Variants in IQCJ observed in about 807,000 individuals in gnomAD.
IQCJ encodes the protein IQ domain-containing protein J.
A neutral mutation model predicts 11.0 loss-of-function variants in IQCJ; 9 were observed. That is an observed-to-expected ratio of 0.82 (90% confidence interval 0.49 to 1.43). The LOEUF (loss-of-function observed/expected upper bound fraction) is 1.43. IQCJ is among the 40% of genes most tolerant of loss of function. The pLI, the probability that IQCJ is intolerant of heterozygous loss-of-function variation, is 0.00. For synonymous variants in IQCJ, 55 were observed against 51.3 expected (o/e 1.07, Z -0.31); for missense variants, 146 against 133.2 (o/e 1.10, Z -0.47).
At chr3:159,213,883 G>GT (rs1725081522) in intron 1 of IQCJ, among the ~76,000 whole-genome samples, 1 of 151,982 alleles carries the variant, frequency 6.6e-6, no homozygotes, top group Non-Finnish European at 1.5e-5. Flanking sequence ...GTTGACTTCT[G>GT]TGACCCCATT....
chr3:159,083,083 A>G (rs1716438173), intron 1 of IQCJ, among the ~76,000 whole-genome samples: 1 of 152,166 alleles, frequency 6.6e-6, no homozygotes, highest in Non-Finnish European at 1.5e-5. Flanking sequence ...CAAAAGCACT[A>G]TTCATAAAAG....
chr3:159,153,231 C>G (rs1291889635), intron 1 of IQCJ, among the ~76,000 whole-genome samples: 3 of 152,134 alleles, frequency 2.0e-5, no homozygotes, highest in African/African-American at 7.2e-5. Context: ...CAAAATTTTA[C>G]CATACATCCT....
At chr3:159,137,960 A>G (rs1424623382) in intron 1 of IQCJ, among the ~76,000 whole-genome samples, 2 of 152,228 alleles carry the variant, frequency 1.3e-5, no homozygotes, top group Admixed American at 1.3e-4. Context: ...CTTTATATAT[A>G]AAATGCAAAT....
chr3:159,252,270 A>G (rs1462652855), intron 2 of IQCJ, among the ~76,000 whole-genome samples: 1 of 152,200 alleles, frequency 6.6e-6, no homozygotes, highest in Non-Finnish European at 1.5e-5. Context: ...TCAGAGATCC[A>G]TGCTTTGTTC....
At chr3:159,095,385 C>T (rs1290937530) in intron 1 of IQCJ, among the ~76,000 whole-genome samples, 17 of 149,946 alleles carry the variant, frequency 1.1e-4, no homozygotes, top group African/African-American at 4.0e-4. Flanking sequence ...TTATTATACT[C>T]TAAGTTTTAG....
At chr3:159,077,878 T>A (rs534301974) in intron 1 of IQCJ, among the ~76,000 whole-genome samples, 13 of 152,230 alleles carry the variant, frequency 8.5e-5, no homozygotes, top group South Asian at 2.1e-4. Context: ...TTAGTTTTTT[T>A]AAAAAATTAG....
At chr3:159,239,995 T>G (rs1726823013) in intron 1 of IQCJ, among the ~76,000 whole-genome samples, 1 of 152,164 alleles carries the variant, frequency 6.6e-6, no homozygotes, top group Admixed American at 6.5e-5. Context: ...GGACATATCC[T>G]TGTTATTAAG....
At chr3:159,172,866 A>G (rs370921154) in intron 1 of IQCJ, among the ~76,000 whole-genome samples, 3 of 152,276 alleles carry the variant, frequency 2.0e-5, no homozygotes, top group African/African-American at 7.2e-5. Flanking sequence ...TGCCTTCAAT[A>G]TCTGAAGGAT....
intron 1 of IQCJ, among the ~76,000 whole-genome samples, chr3:159,106,798 G>T (rs1718293530): frequency 6.6e-6 from 1 of 152,146 alleles, no homozygotes; most frequent in Admixed American, 6.5e-5. Flanking sequence ...GACCAGCTAT[G>T]AATTGGGGTT....
chr3:159,240,386 CT>C (rs1726848117), intron 1 of IQCJ, among the ~76,000 whole-genome samples: 1 of 152,142 alleles, frequency 6.6e-6, no homozygotes, highest in South Asian at 2.1e-4. Flanking sequence ...ATTGTTCTAA[CT>C]GCCTAAAAAG....
At chr3:159,251,369 C>G (rs1039597131) in intron 2 of IQCJ, among the ~76,000 whole-genome samples, 5 of 151,760 alleles carry the variant, frequency 3.3e-5, no homozygotes, top group Admixed American at 6.6e-5. Flanking sequence ...TTGCTCACTC[C>G]CACCACAAAT....
intron 1 of IQCJ, among the ~76,000 whole-genome samples, chr3:159,105,698 G>A (rs1307488846): frequency 4.6e-5 from 7 of 152,156 alleles, no homozygotes; most frequent in Non-Finnish European, 1.0e-4. Flanking sequence ...CTGGGGCTGG[G>A]GTGGAGGGTG....
intron 1 of IQCJ, among the ~76,000 whole-genome samples, chr3:159,143,981 G>A (rs953593616): frequency 6.6e-6 from 1 of 152,130 alleles, no homozygotes; most frequent in African/African-American, 2.4e-5. Flanking sequence ...TTCACATGGT[G>A]GAAGGCAAAA....
chr3:159,221,853 T>A (rs1421979851), intron 1 of IQCJ, among the ~76,000 whole-genome samples: 2 of 150,106 alleles, frequency 1.3e-5, no homozygotes, highest in East Asian at 3.9e-4. Flanking sequence ...TGTATTAGAA[T>A]TGAACACTAA....
At chr3:159,239,626 C>G (rs1726791926) in intron 1 of IQCJ, among the ~76,000 whole-genome samples, 1 of 152,188 alleles carries the variant, frequency 6.6e-6, no homozygotes, top group Admixed American at 6.5e-5. Flanking sequence ...ATTTCTCATT[C>G]AAACTATTTC....
At chr3:159,258,299 T>C (rs1728008438) in intron 3 of IQCJ, among the ~76,000 whole-genome samples, 1 of 152,160 alleles carries the variant, frequency 6.6e-6, no homozygotes. Flanking sequence ...CAGCCTTTAA[T>C]AGACCTGGCT....
At chr3:159,225,710 C>T (rs905207635) in intron 1 of IQCJ, among the ~76,000 whole-genome samples, 5 of 151,980 alleles carry the variant, frequency 3.3e-5, no homozygotes, top group Admixed American at 6.5e-5. Context: ...GACACCAACT[C>T]GGTTCATTCA....
At chr3:159,088,177 C>A (rs1198344307) in intron 1 of IQCJ, among the ~76,000 whole-genome samples, 1 of 152,096 alleles carries the variant, frequency 6.6e-6, no homozygotes, top group African/African-American at 2.4e-5. Context: ...TCCTTATGTA[C>A]CCAGTAATCA....
intron 1 of IQCJ, among the ~76,000 whole-genome samples, chr3:159,228,543 C>A (rs1267844299): frequency 1.3e-5 from 2 of 152,126 alleles, no homozygotes; most frequent in Non-Finnish European, 2.9e-5. Flanking sequence ...GTAATCCTAG[C>A]ACTTTGGGAG....
Sources: gnomAD v4.1 joint callset for allele counts (sites outside exome capture counted in the v4.1 genomes callset) on GRCh38, gnomAD v4.1.1 for gene constraint, MANE v1.5 for transcripts, NCBI Gene and HGNC (gene_info 2026-07-23, HGNC 2026-07-21) for gene names.